Variants in NHSL2 observed in about 807,000 individuals in gnomAD.
NHSL2 encodes the protein NHS like 2.
NHSL2 carries 27 observed loss-of-function variants against 53.4 expected under a neutral mutation model. The observed-to-expected ratio is 0.51, with a 90% CI of 0.37 to 0.70. The LOEUF (loss-of-function observed/expected upper bound fraction) is 0.70. NHSL2 is among the 30% of genes least tolerant of loss of function. The pLI, the probability that NHSL2 is intolerant of heterozygous loss-of-function variation, is 0.00. For missense variants in NHSL2, 892 were observed against 980.1 expected (o/e 0.91, Z 1.20); for synonymous variants, 408 against 404.1 (o/e 1.01, Z -0.12).
rs2042293698 is a variant in NHSL2, at chrX:72,044,505, TAAG to T, written c.281-87569_281-87567del. 2.8e-5 allele frequency: 15 copies of T among 528,123 alleles called. No homozygotes were observed. The East Asian group carries it at 5.3e-4, about 19-fold the overall frequency. The allele number at this position is 528,123 out of a possible 1,213,427, so 43.5% of individuals were successfully genotyped here. On this transcript the variant is annotated intron_variant, in intron 1 of 7. Coordinates refer to ENST00000633930, the MANE Select transcript of NHSL2 (RefSeq NM_001013627.3). ...ATCCCACAGAACTCTAATGATTACA[TAAG>T]AAGAGTGGCCCGCTCTCTCCGGTCC...
chrX:72,026,840 C>G (rs980192678), intron 1 of NHSL2, among the ~76,000 whole-genome samples: 5 of 112,171 alleles, frequency 4.5e-5, no homozygotes, highest in African/African-American at 1.6e-4. Flanking sequence ...CCCAACCCAG[C>G]AGAAAGTCCC....
chrX:72,044,403 C>A lies in NHSL2; in HGVS notation c.281-87676C>A, dbSNP rs916209365. The A allele has an allele frequency of 1.2e-4, 51 of 420,036 alleles. 2 individuals are homozygous for A. Among genetic ancestry groups the A allele is most frequent in the African/African-American group, 9.0e-4 (36 of 39,942 alleles). The allele number at this position is 420,036 out of a possible 1,213,427, so 34.6% of individuals were successfully genotyped here. A position where few individuals can be genotyped will look rare whatever the true frequency, so the allele number is the denominator to read the frequency against. On this transcript the variant is annotated intron_variant, in intron 1 of 7. Transcript: ENST00000633930. ...GGTCCTGCTCCTAAACAAGAACTTA[C>A]AACCACTTCAGCATGAGCATCAACC...
At chrX:71,944,937 T>C (rs746771311) in intron 1 of NHSL2, among the ~76,000 whole-genome samples, 57 of 112,130 alleles carry the variant, frequency 5.1e-4, no homozygotes, top group Middle Eastern at 4.6e-3. Context: ...ACTCTGATGG[T>C]ACAAAAATAT....
chrX:72,051,839 C>T (rs929033850), intron 1 of NHSL2, among the ~76,000 whole-genome samples: 2 of 111,674 alleles, frequency 1.8e-5, no homozygotes, highest in African/African-American at 6.5e-5. Context: ...CCACCATTCT[C>T]TACACCTAGT....
At chrX:71,927,938 A>G (rs1185108630) in intron 1 of NHSL2, among the ~76,000 whole-genome samples, 1 of 112,245 alleles carries the variant, frequency 8.9e-6, no homozygotes, top group Admixed American at 9.4e-5. Context: ...TAAGTTAGGG[A>G]TCATTATAAT....
Position 72,077,323 on chromosome X carries a change from A to G in NHSL2, c.281-54756A>G, listed in dbSNP as rs749766749. Reference sequence around the variant, plus strand: ...ATCTTGACTATCCCAACCCTGCACCATAACCGTCTTCCTGGCTGGCTTGGG... The same window carrying G: ...ATCTTGACTATCCCAACCCTGCACCGTAACCGTCTTCCTGGCTGGCTTGGG... On this transcript the variant is annotated intron_variant, in intron 1 of 7. Transcript: ENST00000633930. Among the ~76,000 whole-genome samples, 27 of 110,584 alleles carry G rather than the reference A, an allele frequency of 2.4e-4. 1 individual carries two copies. The highest frequency in any genetic ancestry group is 1.9e-5 in the Non-Finnish European group (1 of 52,836).
At chrX:72,034,353 GT>G (rs1378884226) in intron 1 of NHSL2, among the ~76,000 whole-genome samples, 1 of 111,596 alleles carries the variant, frequency 9.0e-6, no homozygotes, top group African/African-American at 3.3e-5. Flanking sequence ...AAACATTTTT[GT>G]GCCTATATTC....
At chrX:71,971,377 T>G (rs1401236680) in intron 1 of NHSL2, among the ~76,000 whole-genome samples, 1 of 112,002 alleles carries the variant, frequency 8.9e-6, no homozygotes, top group African/African-American at 3.2e-5. Flanking sequence ...TTGGTTACAG[T>G]TATTACTTTA....
chrX:72,018,319 T>A (rs1203019225), intron 1 of NHSL2, among the ~76,000 whole-genome samples: 2 of 111,698 alleles, frequency 1.8e-5, no homozygotes, highest in African/African-American at 3.3e-5. Context: ...TCTTATCTGC[T>A]TGACCCCGGC....
chrX:72,034,190 T>G, intron 1 of NHSL2, among the ~76,000 whole-genome samples: 1 of 112,252 alleles, frequency 8.9e-6, no homozygotes, highest in Non-Finnish European at 1.9e-5. Context: ...TTATTCTTCT[T>G]TAGCCTGTTG....
chrX:71,937,605 T>A (rs2041745491), intron 1 of NHSL2, among the ~76,000 whole-genome samples: 1 of 112,332 alleles, frequency 8.9e-6, no homozygotes, highest in Admixed American at 9.4e-5. Flanking sequence ...AACTTACCCT[T>A]ACTAATATGC....
At chrX:72,053,533 G>A (rs1047332632) in intron 1 of NHSL2, among the ~76,000 whole-genome samples, 1 of 111,778 alleles carries the variant, frequency 8.9e-6, no homozygotes, top group African/African-American at 3.3e-5. Context: ...TGAAATCCAT[G>A]ATTTCACAGA....
intron 1 of NHSL2, among the ~76,000 whole-genome samples, chrX:72,055,583 A>C (rs956611496): frequency 8.9e-6 from 1 of 112,144 alleles, no homozygotes; most frequent in East Asian, 2.8e-4. Context: ...CTATACTTGG[A>C]GAGAACCTAA....
chrX:72,054,194 G>A (rs1359835076), intron 1 of NHSL2, among the ~76,000 whole-genome samples: 2 of 111,726 alleles, frequency 1.8e-5, no homozygotes, highest in African/African-American at 6.5e-5. Flanking sequence ...CTGTGTGGGT[G>A]GGAAGTAGAG....
At chrX:71,952,814 C>T (rs936322232) in intron 1 of NHSL2, among the ~76,000 whole-genome samples, 1 of 111,554 alleles carries the variant, frequency 9.0e-6, no homozygotes, top group Non-Finnish European at 1.9e-5. Context: ...TACCAGGTGG[C>T]CTGGGTTAAC....
intron 1 of NHSL2, among the ~76,000 whole-genome samples, chrX:72,030,099 T>C (rs932692150): frequency 2.7e-5 from 3 of 112,159 alleles, no homozygotes; most frequent in Non-Finnish European, 5.6e-5. Flanking sequence ...ATCAGAAAAA[T>C]GATCTGCCGA....
intron 1 of NHSL2, among the ~76,000 whole-genome samples, chrX:72,080,601 TG>T (rs2041783401): frequency 9.1e-6 from 1 of 110,114 alleles, no homozygotes. Flanking sequence ...TGTGTGTGTG[TG>T]TAAGAATTAC....
chrX:71,930,653 T>C (rs984057573), intron 1 of NHSL2, among the ~76,000 whole-genome samples: 1 of 112,556 alleles, frequency 8.9e-6, no homozygotes, highest in African/African-American at 3.2e-5. Context: ...ATGTAGTCTT[T>C]TGTGTCTGGC....
chrX:71,995,883 G>A (rs915383952), intron 1 of NHSL2, among the ~76,000 whole-genome samples: 35 of 112,087 alleles, frequency 3.1e-4, no homozygotes, highest in African/African-American at 1.0e-3. Flanking sequence ...AGTGCCTGGC[G>A]CATGGGAGAC....
Sources: allele counts gnomAD v4.1 joint callset (sites outside exome capture counted in the v4.1 genomes callset), GRCh38; gene constraint gnomAD v4.1.1; transcripts MANE v1.5; gene names NCBI Gene and HGNC (gene_info 2026-07-23, HGNC 2026-07-21).